The following LINC00632 variants were observed in gnomAD, a reference collection of about 807,000 sequenced individuals.
LINC00632 encodes the protein ALDOA related specific transcript.
At position 140,731,324 on chromosome X, in the gene LINC00632, A is replaced by T. The variant is rs181635631; in HGVS notation, n.105-2554A>T. Among the ~76,000 whole-genome samples the T allele has an allele frequency of 5.0e-4, 56 of 112,304 alleles. No homozygotes were observed. The East Asian group carries it at 0.015, about 30-fold the overall frequency. On this transcript the variant is annotated intron_variant and non_coding_transcript_variant, in intron 2 of 4. Transcript: ENST00000648200. ...AATCAAGGTTCAGAACATAGAATTT[A>T]GAGGCAGACTTGCCTGCTTCCAATC...
intron 2 of LINC00632, chrX:140,716,355 T>C (rs1930628302): frequency 9.0e-6 from 1 of 111,666 alleles, no homozygotes; most frequent in Non-Finnish European, 1.9e-5. Flanking sequence ...AGTGCCTACT[T>C]CAAAGAGTTG....
intron 2 of LINC00632, among the ~76,000 whole-genome samples, chrX:140,724,876 TACACAC>T (rs371119112): frequency 1.3e-5 from 1 of 74,980 alleles, no homozygotes; most frequent in African/African-American, 4.9e-5. Context: ...ACACATTCCA[TACACAC>T]ACATTCCATA....
intron 2 of LINC00632, among the ~76,000 whole-genome samples, chrX:140,717,272 C>T (rs1377635732): frequency 9.0e-6 from 1 of 110,719 alleles, no homozygotes; most frequent in Non-Finnish European, 1.9e-5. Context: ...TGAGCGACCG[C>T]CCCTGGCCAC....
At chrX:140,780,562 T>C (rs1931920607) in exon 5 of LINC00632, among the ~76,000 whole-genome samples, 1 of 111,663 alleles carries the variant, frequency 9.0e-6, no homozygotes, top group African/African-American at 3.3e-5. Context: ...TTGTTTCCAC[T>C]TTAAAGAAAA....
chrX:140,790,653 T>C (rs908993042), exon 5 of LINC00632, among the ~76,000 whole-genome samples: 1 of 111,357 alleles, frequency 9.0e-6, no homozygotes, highest in East Asian at 2.8e-4. Context: ...ATCTTTATGA[T>C]AGTGGGTTTT....
intron 3 of LINC00632, among the ~76,000 whole-genome samples, chrX:140,759,747 T>C (rs1349313572): frequency 9.0e-6 from 1 of 111,067 alleles, no homozygotes; most frequent in Non-Finnish European, 1.9e-5. Context: ...ATTTATTGAG[T>C]CTATTTACTG....
intron 2 of LINC00632, among the ~76,000 whole-genome samples, chrX:140,722,363 T>C (rs1930742306): frequency 1.9e-5 from 2 of 103,286 alleles, no homozygotes; most frequent in African/African-American, 7.6e-5. Flanking sequence ...GCACCTGCAG[T>C]TAAAAAAAAA....
At chrX:140,769,399 CT>C (rs1414630840) in intron 3 of LINC00632, among the ~76,000 whole-genome samples, 1 of 111,068 alleles carries the variant, frequency 9.0e-6, no homozygotes, top group Non-Finnish European at 1.9e-5. Context: ...TAGATTCTGT[CT>C]TCTATTTGCA....
At chrX:140,737,721 G>GT (rs1272750002) in intron 3 of LINC00632, among the ~76,000 whole-genome samples, 1 of 111,823 alleles carries the variant, frequency 8.9e-6, no homozygotes, top group Non-Finnish European at 1.9e-5. Flanking sequence ...AATATGTACT[G>GT]TTTGTCTTTT....
intron 3 of LINC00632, among the ~76,000 whole-genome samples, chrX:140,771,793 C>A (rs925145540): frequency 9.5e-6 from 1 of 105,213 alleles, no homozygotes; most frequent in African/African-American, 3.5e-5. Flanking sequence ...GATTCTCCTG[C>A]CTCAGCCTCC....
At chrX:140,748,934 T>C (rs2148392178) in intron 3 of LINC00632, among the ~76,000 whole-genome samples, 1 of 107,650 alleles carries the variant, frequency 9.3e-6, no homozygotes, top group East Asian at 2.8e-4. Context: ...TATATTTATA[T>C]ATTGTGAAGT....
chrX:140,784,505 C>A (rs1931988342), exon 5 of LINC00632: 1 of 682,316 alleles, frequency 1.5e-6, no homozygotes, highest in Non-Finnish European at 2.2e-6. Flanking sequence ...CTTCCAACAT[C>A]TCCACGTCTT....
intron 2 of LINC00632, among the ~76,000 whole-genome samples, chrX:140,728,452 C>T (rs2148384047): frequency 9.2e-6 from 1 of 109,083 alleles, no homozygotes; most frequent in Middle Eastern, 4.8e-3. Flanking sequence ...AAACCATGTG[C>T]CCCCCAACAC....
chrX:140,750,759 T>C (rs1931399371), intron 3 of LINC00632, among the ~76,000 whole-genome samples: 1 of 110,549 alleles, frequency 9.0e-6, no homozygotes, highest in Non-Finnish European at 1.9e-5. Context: ...TGTAGTCTTT[T>C]ATTGCTCACT....
At chrX:140,752,882 C>T (rs999965806) in intron 3 of LINC00632, among the ~76,000 whole-genome samples, 3 of 111,161 alleles carry the variant, frequency 2.7e-5, no homozygotes, top group African/African-American at 9.8e-5. Flanking sequence ...GCTTAGTGTG[C>T]TGAAATTGAT....
intron 2 of LINC00632, chrX:140,714,045 A>G (rs1930573429): frequency 8.4e-6 from 2 of 237,945 alleles, no homozygotes; most frequent in Non-Finnish European, 1.6e-5. Context: ...TTCCCACAGC[A>G]AACAGACTCT....
intron 3 of LINC00632, among the ~76,000 whole-genome samples, chrX:140,761,863 T>A (rs1931599362): frequency 8.9e-6 from 1 of 111,913 alleles, no homozygotes; most frequent in Non-Finnish European, 1.9e-5. Context: ...AATGTCCTTG[T>A]GGCAGAGACT....
In LINC00632 at chrX:140,718,760, C is replaced by G. The variant is rs73590129; in HGVS notation, n.104+7104C>G. On this transcript the variant is annotated intron_variant and non_coding_transcript_variant, in intron 2 of 4. Coordinates refer to ENST00000648200, the Ensembl canonical transcript of LINC00632. The stretch of plus-strand genomic sequence containing the variant: ...TAGAAGCATCTATCATATAGAGTTT[C>G]TGCATAACACCTAGACTTATCACAC... 1.8e-3 allele frequency among the ~76,000 whole-genome samples: 199 copies of G among 112,019 alleles called. 1 individual carries two copies. Among genetic ancestry groups the G allele is most frequent in the African/African-American group, 6.2e-3 (192 of 30,881 alleles).
At chrX:140,709,785 T>G (rs1448106217) in exon 1 of LINC00632, 1 of 340,923 alleles carries the variant, frequency 2.9e-6, no homozygotes, top group East Asian at 9.7e-5. Context: ...TCAGAGCTGG[T>G]GGGGAGACAG....
Sources: allele counts gnomAD v4.1 joint callset (sites outside exome capture counted in the v4.1 genomes callset), GRCh38; gene constraint gnomAD v4.1.1; transcripts MANE v1.5; gene names NCBI Gene and HGNC (gene_info 2026-07-23, HGNC 2026-07-21).